The following BCAT1 variants were observed in gnomAD, a reference collection of about 807,000 sequenced individuals.
BCAT1 encodes the protein branched-chain-amino-acid aminotransferase, cytosolic.
Under a neutral mutation model 52.4 loss-of-function variants are expected in BCAT1, and 48 were observed. That is an observed-to-expected ratio of 0.92 (90% CI 0.73 to 1.16). BCAT1 has a LOEUF of 1.16. Ranked by LOEUF, BCAT1 falls within the 50% of genes most tolerant of loss-of-function variation. BCAT1 has a pLI of 0.00. For synonymous variants in BCAT1, 167 were observed against 161.3 expected, an observed-to-expected ratio of 1.04 and a Z score of -0.27; for missense variants, 451 against 457.1, an observed-to-expected ratio of 0.99 and a Z score of 0.12.
At chr12:24,861,552 C>G (rs946107122) in intron 5 of BCAT1, among the ~76,000 whole-genome samples, 1 of 152,228 alleles carries the variant, frequency 6.6e-6, no homozygotes, top group Non-Finnish European at 1.5e-5. Flanking sequence ...CTGAGCTCCT[C>G]TCTACCCTGA....
At position 24,910,563 on chromosome 12, in the gene BCAT1, TA is replaced by T. The variant is rs543525500; in HGVS notation, c.7-8679del. Among the ~76,000 whole-genome samples, 8 of 152,256 alleles carry T rather than the reference TA, an allele frequency of 5.3e-5. No homozygotes were observed. In the East Asian group the frequency reaches 1.5e-3, roughly 29 times the overall value. On this transcript the variant is annotated intron_variant, in intron 1 of 10. Transcript: ENST00000261192. ...AATAAATCATGCCCAAAAATAGGGA[TA>T]AAAGGGTGAGATAAACATGAAATAA...
At chr12:24,863,992 G>A (rs145929314) in intron 5 of BCAT1, among the ~76,000 whole-genome samples, 1,663 of 151,796 alleles carry the variant, frequency 0.011, 16 homozygotes, top group Non-Finnish European at 0.018. Flanking sequence ...ATCAGGAGTC[G>A]ACAAACTTCA....
intron 5 of BCAT1, among the ~76,000 whole-genome samples, chr12:24,864,146 A>G (rs1941934139): frequency 6.6e-6 from 1 of 152,180 alleles, no homozygotes; most frequent in Admixed American, 6.5e-5. Context: ...GACCATTACA[A>G]AAAAAGTTTG....
chr12:24,891,810 G>A (rs1283217359), intron 3 of BCAT1, among the ~76,000 whole-genome samples: 10 of 151,296 alleles, frequency 6.6e-5, no homozygotes, highest in South Asian at 4.2e-4. Flanking sequence ...GTGCAGCGGC[G>A]TGATCTCGGC....
chr12:24,873,353 C>G (rs1036957684), intron 5 of BCAT1, among the ~76,000 whole-genome samples: 6 of 152,138 alleles, frequency 3.9e-5, no homozygotes, highest in Non-Finnish European at 5.9e-5. Flanking sequence ...TTAGGAGATA[C>G]TGATTAAAAT....
intron 5 of BCAT1, among the ~76,000 whole-genome samples, chr12:24,864,213 G>A (rs1253228747): frequency 6.6e-6 from 1 of 152,118 alleles, no homozygotes; most frequent in Non-Finnish European, 1.5e-5. Flanking sequence ...ATCGCACCAG[G>A]AATGACCTCA....
At chr12:24,831,341 T>C (rs1282101364) in intron 9 of BCAT1, among the ~76,000 whole-genome samples, 1 of 152,162 alleles carries the variant, frequency 6.6e-6, no homozygotes, top group Non-Finnish European at 1.5e-5. Context: ...GTAGTTAAGT[T>C]TTTGGGAAGT....
At chr12:24,825,074 A>G (rs973492081) in intron 10 of BCAT1, among the ~76,000 whole-genome samples, 7 of 151,926 alleles carry the variant, frequency 4.6e-5, no homozygotes, top group Admixed American at 3.9e-4. Flanking sequence ...TGCAAATGAC[A>G]GGATTTCATT....
chr12:24,909,687 T>A (rs1416957088), intron 1 of BCAT1, among the ~76,000 whole-genome samples: 1 of 152,228 alleles, frequency 6.6e-6, no homozygotes, highest in Non-Finnish European at 1.5e-5. Flanking sequence ...TCCCTTCCTG[T>A]CTGTCTGCTT....
At chr12:24,859,050 CA>C (rs375085641) in intron 5 of BCAT1, among the ~76,000 whole-genome samples, 8 of 150,532 alleles carry the variant, frequency 5.3e-5, no homozygotes, top group African/African-American at 1.5e-4. Flanking sequence ...TTAACAACAA[CA>C]AAAAAAAATT....
At chr12:24,935,101 G>A (rs2139750416) in intron 1 of BCAT1, among the ~76,000 whole-genome samples, 2 of 152,316 alleles carry the variant, frequency 1.3e-5, no homozygotes, top group Non-Finnish European at 2.9e-5. Flanking sequence ...AGGTGAAATG[G>A]ATGTGGTAGT....
chr12:24,837,498 C>T (rs1941031638), intron 7 of BCAT1, among the ~76,000 whole-genome samples: 1 of 149,158 alleles, frequency 6.7e-6, no homozygotes, highest in South Asian at 2.1e-4. Context: ...ACCATCTCAG[C>T]TCACTGCACC....
chr12:24,938,613 G>A (rs535104094), intron 1 of BCAT1, among the ~76,000 whole-genome samples: 86 of 152,218 alleles, frequency 5.6e-4, no homozygotes, highest in African/African-American at 2.0e-3. Context: ...GGGCTGGAAG[G>A]GAACCCCAGC....
At chr12:24,851,867 GA>G (rs1295674139) in intron 5 of BCAT1, among the ~76,000 whole-genome samples, 3 of 152,138 alleles carry the variant, frequency 2.0e-5, no homozygotes, top group African/African-American at 7.2e-5. Context: ...TCTCAGTTAA[GA>G]AATGACACCT....
chr12:24,895,891 G>A (rs1240805458), intron 2 of BCAT1, among the ~76,000 whole-genome samples: 1 of 152,168 alleles, frequency 6.6e-6, no homozygotes, highest in Non-Finnish European at 1.5e-5. Context: ...ATATTACAGT[G>A]ACACAAAAGG....
At chr12:24,914,927 A>C (rs1311837306) in intron 1 of BCAT1, among the ~76,000 whole-genome samples, 1 of 152,240 alleles carries the variant, frequency 6.6e-6, no homozygotes, top group South Asian at 2.1e-4. Flanking sequence ...AAAAACAATT[A>C]TCAAGACTAG....
chr12:24,905,505 A>G (rs888297141), intron 1 of BCAT1, among the ~76,000 whole-genome samples: 1 of 152,248 alleles, frequency 6.6e-6, no homozygotes, highest in African/African-American at 2.4e-5. Context: ...ACAATGAAAC[A>G]ATGTAAGACC....
At chr12:24,873,976 G>A (rs1279100243) in intron 5 of BCAT1, among the ~76,000 whole-genome samples, 3 of 152,120 alleles carry the variant, frequency 2.0e-5, no homozygotes, top group African/African-American at 4.8e-5. Flanking sequence ...ATGAGGAACT[G>A]CACAAAAACA....
intron 10 of BCAT1, 34 bp downstream of exon 10, chr12:24,829,789 A>T (rs771377439): frequency 1.3e-6 from 2 of 1,531,820 alleles, no homozygotes; most frequent in Non-Finnish European, 1.8e-6. Flanking sequence ...AAGAAAAGAA[A>T]AGGAAAGAAA....
Sources: gnomAD v4.1 joint callset for allele counts (sites outside exome capture counted in the v4.1 genomes callset) on GRCh38, gnomAD v4.1.1 for gene constraint, MANE v1.5 for transcripts, NCBI Gene and HGNC (gene_info 2026-07-23, HGNC 2026-07-21) for gene names.